The following DEPDC5 variants were observed in gnomAD, a reference collection of about 807,000 sequenced individuals.
The protein encoded by DEPDC5 is GATOR1 complex protein DEPDC5.
DEPDC5 carries 73 observed loss-of-function variants against 217.3 expected under a neutral mutation model. The observed-to-expected ratio is 0.34, with a 90% CI of 0.28 to 0.41. DEPDC5 has a LOEUF of 0.41. Ranked by LOEUF, DEPDC5 falls within the 10% of genes least tolerant of loss-of-function variation. The pLI, the probability that DEPDC5 is intolerant of heterozygous loss-of-function variation, is 1.00. For synonymous variants in DEPDC5, 733 were observed against 756.7 expected (o/e 0.97, Z 0.51); for missense variants, 1,675 against 2,070.1 (o/e 0.81, Z 3.70).
At position 31,876,277 on chromosome 22, in the gene DEPDC5, G is replaced by A; in HGVS notation, c.3805+12G>A. 3 of 1,610,642 alleles carry A rather than the reference G, an allele frequency of 1.9e-6. No individual in the cohort carries two copies. The highest frequency in any genetic ancestry group is 2.5e-6 in the Non-Finnish European group (3 of 1,178,186). On this transcript the variant is annotated intron_variant, in intron 37 of 42. Coordinates refer to ENST00000651528, the MANE Select transcript of DEPDC5 (RefSeq NM_001242896.3). Reference sequence around the variant, plus strand: ...AGAGCCCGACCGAGGTTAGAGCCGAGGCGAATGCGGTTGCCCACAGGGGCA... The same window carrying A: ...AGAGCCCGACCGAGGTTAGAGCCGAAGCGAATGCGGTTGCCCACAGGGGCA...
intron 39 of DEPDC5, among the ~76,000 whole-genome samples, chr22:31,896,547 T>A (rs759815177): frequency 5.1e-4 from 77 of 152,180 alleles, no homozygotes; most frequent in Non-Finnish European, 1.0e-3. Context: ...ACATACATCA[T>A]TTTTATGGTT....
In DEPDC5 at chr22:31,837,054, G is replaced by A. The variant is rs777616535; in HGVS notation, c.2253G>A (p.Ala751=). Residue 751 remains alanine, a synonymous_variant, in exon 26 of 43, where the codon GCG becomes GCA. Transcript: ENST00000651528. ...ACTGGAAGTCTCTCACTACTCCGGCGTGCCTCCCCCTTACCACCGACTACT... is the reference window on the plus strand; with the variant it reads ...ACTGGAAGTCTCTCACTACTCCGGCATGCCTCCCCCTTACCACCGACTACT... ...GVDWKSLTTP[A]CLPLTTDYFP... is the part of the protein sequence containing the mutation. The A allele has an allele frequency of 6.8e-6, 11 of 1,614,050 alleles. No homozygotes were observed. The highest frequency in any genetic ancestry group is 1.6e-4 in the Middle Eastern group (1 of 6,062).
chr22:31,851,498 C>T (rs867153332), intron 31 of DEPDC5, among the ~76,000 whole-genome samples: 2 of 152,234 alleles, frequency 1.3e-5, no homozygotes, highest in African/African-American at 2.4e-5. Context: ...CCTGGGCCTA[C>T]GTCCATCAGA....
chr22:31,797,745 G>A (rs1406931238), intron 13 of DEPDC5, 42 bp downstream of exon 13: 1 of 1,441,546 alleles, frequency 6.9e-7, no homozygotes, highest in Non-Finnish European at 9.8e-7. Context: ...GGGAAAGGAA[G>A]TGTAGGAGGG....
chr22:31,768,311 T>C (rs2083006640), intron 6 of DEPDC5, among the ~76,000 whole-genome samples: 1 of 152,126 alleles, frequency 6.6e-6, no homozygotes, highest in African/African-American at 2.4e-5. Flanking sequence ...GGTTTTTTTT[T>C]CCATTTTGAC....
intron 33 of DEPDC5, among the ~76,000 whole-genome samples, chr22:31,864,201 C>T (rs1197540711): frequency 4.0e-5 from 6 of 151,206 alleles, no homozygotes; most frequent in African/African-American, 4.8e-5. Flanking sequence ...CTCTGCCTCC[C>T]GGGTTCAAGT....
At position 31,797,729 on chromosome 22, in the gene DEPDC5, G is replaced by A. The variant is rs191820482; in HGVS notation, c.871+26G>A. The A allele has an allele frequency of 2.8e-4, 445 of 1,572,818 alleles. 2 individuals carry two copies. In the African/African-American group the frequency reaches 5.4e-3, roughly 19 times the overall value. On this transcript the variant is annotated intron_variant, in intron 13 of 42. Coordinates refer to ENST00000651528, the MANE Select transcript of DEPDC5 (RefSeq NM_001242896.3). The stretch of plus-strand genomic sequence containing the variant: ...GTACTGCATTCATGTAATAGATGGT[G>A]CGGCGGGGAAAGGAAGTGTAGGAGG...
chr22:31,834,079 C>T, intron 25 of DEPDC5, 99 bp downstream of exon 25: 3 of 1,193,032 alleles, frequency 2.5e-6, no homozygotes, highest in Non-Finnish European at 3.7e-6. Context: ...AGTGAGTGGT[C>T]CTGAGGTACA....
intron 22 of DEPDC5, among the ~76,000 whole-genome samples, chr22:31,820,425 A>AT (rs1362567972): frequency 1.3e-5 from 2 of 151,874 alleles, no homozygotes; most frequent in Non-Finnish European, 2.9e-5. Flanking sequence ...TTTTTATTTT[A>AT]TTTTTTTCAT....
chr22:31,766,720 ATCCCT>A, intron 6 of DEPDC5, 52 bp downstream of exon 6: 1 of 1,493,038 alleles, frequency 6.7e-7, no homozygotes, highest in Admixed American at 1.7e-5. Flanking sequence ...TATGTGAATA[ATCCCT>A]GTTTATTATG....
At chr22:31,834,626 T>C (rs1010746594) in intron 25 of DEPDC5, among the ~76,000 whole-genome samples, 10 of 152,066 alleles carry the variant, frequency 6.6e-5, no homozygotes, top group Admixed American at 6.5e-4. Flanking sequence ...AAGTGATTCT[T>C]CTGCCTCAGC....
rs1179100248 is a variant in DEPDC5 at position 31,906,711 on chromosome 22, C to T, written c.*214C>T. 10 of 638,470 alleles carry T rather than the reference C, an allele frequency of 1.6e-5. No homozygotes were observed. The highest frequency in any genetic ancestry group is 2.7e-5 in the Non-Finnish European group (10 of 375,386). The allele number at this position is 638,470 out of a possible 1,614,324, so 39.6% of individuals were successfully genotyped here. A position where few individuals can be genotyped will look rare whatever the true frequency, so the allele number is the denominator to read the frequency against. On this transcript the variant is annotated 3_prime_UTR_variant, in exon 43 of 43. Coordinates refer to ENST00000651528, the MANE Select transcript of DEPDC5 (RefSeq NM_001242896.3). The surrounding 1 kb of genome is among the most constrained non-coding windows in gnomAD (Gnocchi z 5.1). ...AGAAGAAAGACTTTGGAAGCAGCTGCTGCTGCTGCCACCACTCCTGTCAGC... is the reference window on the plus strand; with the variant it reads ...AGAAGAAAGACTTTGGAAGCAGCTGTTGCTGCTGCCACCACTCCTGTCAGC...
intron 2 of DEPDC5, among the ~76,000 whole-genome samples, chr22:31,756,175 G>A (rs961346674): frequency 1.3e-5 from 2 of 151,764 alleles, no homozygotes; most frequent in Non-Finnish European, 2.9e-5. Flanking sequence ...GAGCCACCGC[G>A]CTGGCATGAG....
At chr22:31,895,143 C>CAA (rs56247667) in intron 39 of DEPDC5, among the ~76,000 whole-genome samples, 19 of 57,512 alleles carry the variant, frequency 3.3e-4, no homozygotes, top group East Asian at 6.3e-4. Flanking sequence ...GAATCCGTCT[C>CAA]AAAAAAAAAA....
At chr22:31,798,363 C>G (rs990908590) in intron 13 of DEPDC5, among the ~76,000 whole-genome samples, 1 of 152,060 alleles carries the variant, frequency 6.6e-6, no homozygotes, top group African/African-American at 2.4e-5. Context: ...ACTAAAAATA[C>G]AAAAATTAGC....
At position 31,806,196 on chromosome 22, in the gene DEPDC5, G is replaced by A; in HGVS notation, c.1287+5G>A. On this transcript the variant is annotated splice_donor_5th_base_variant and intron_variant, in intron 18 of 42. Transcript: ENST00000651528. ...ATAAAACTGGCAGGAAAGAAGGTAG[G>A]TTTTTATTTTTGTTAAGACGGGGTC... The A allele has an allele frequency of 6.2e-7, 1 of 1,613,150 alleles. No homozygotes were observed. The highest frequency in any genetic ancestry group is 1.1e-5 in the South Asian group (1 of 91,034).
intron 32 of DEPDC5, chr22:31,858,517 A>G (rs1345929400): frequency 1.3e-5 from 2 of 152,082 alleles, no homozygotes; most frequent in Admixed American, 6.6e-5. Flanking sequence ...CATATATGTT[A>G]TTTTTCAAAA....
In DEPDC5 at chr22:31,815,012, G is replaced by A. The variant is rs200209747; in HGVS notation, c.1466G>A (p.Ser489Asn). 4.9e-5 allele frequency: 79 copies of A among 1,613,998 alleles called. 1 individual carries two copies. The African/African-American group carries it at 8.3e-4, about 17-fold the overall frequency. The change falls in exon 21 of 43, where the codon AGT becomes AAT. Residue 489 changes from serine to asparagine, a missense_variant. This residue lies in a region of DEPDC5 where 628 missense variants were observed against 762.1 expected (regional missense o/e 0.82). Transcript: ENST00000651528. ...GGCAGATCTGTGCGAGAGCGAGAGA[G>A]TCACAGTCGAAAGAGTGCCAGCTCC... ...TTCRSVRERE[S>N]HSRKSASSCD...
chr22:31,820,112 TTGTGTG>T (rs3069112), intron 22 of DEPDC5, among the ~76,000 whole-genome samples: 1 of 151,380 alleles, frequency 6.6e-6, no homozygotes, highest in Non-Finnish European at 1.5e-5. Flanking sequence ...CTCCAGGATT[TTGTGTG>T]TGTGTGTGTG....
Sources: allele counts gnomAD v4.1 joint callset (sites outside exome capture counted in the v4.1 genomes callset), GRCh38; gene constraint gnomAD v4.1.1; regional missense constraint gnomAD v4.1.1; non-coding constraint Gnocchi (gnomAD v3.1); transcripts MANE v1.5; gene names NCBI Gene and HGNC (gene_info 2026-07-23, HGNC 2026-07-21).